Variants in USP34 observed in about 807,000 individuals in gnomAD.
USP34 encodes the protein ubiquitin carboxyl-terminal hydrolase 34.
In USP34, 70 loss-of-function variants were observed where a neutral mutation model predicts 460.3. That is an observed-to-expected ratio of 0.15 (90% CI 0.13 to 0.19). The LOEUF is 0.19. Among genes scored for constraint, USP34 ranks in the 10% least tolerant of loss-of-function variants. The pLI is 1.00. For synonymous variants in USP34, 1,647 were observed against 1,405.3 expected (o/e 1.17, Z -3.85); for missense variants, 3,985 against 4,236.2 (o/e 0.94, Z 1.65).
intron 10 of USP34, among the ~76,000 whole-genome samples, chr2:61,352,766 T>TG (rs1691979803): frequency 1.3e-5 from 2 of 151,008 alleles, no homozygotes; most frequent in South Asian, 4.2e-4. Flanking sequence ...TGCGTGGTGG[T>TG]GGCAGCAGCA....
intron 20 of USP34, among the ~76,000 whole-genome samples, chr2:61,329,025 TTTG>T (rs1558532594): frequency 6.6e-6 from 1 of 152,088 alleles, no homozygotes; most frequent in Non-Finnish European, 1.5e-5. Context: ...ATGATTTTTG[TTTG>T]TTTTGTTTTT....
intron 50 of USP34, among the ~76,000 whole-genome samples, chr2:61,245,980 G>A (rs976332797): frequency 6.6e-6 from 1 of 152,130 alleles, no homozygotes; most frequent in African/African-American, 2.4e-5. Flanking sequence ...GAGCATGCAG[G>A]TAACTTCTAA....
Position 61,343,864 on chromosome 2 carries a change from T to C in USP34, c.2451A>G (p.Gln817=). ...TGGAAGCTAAATTGGGAAGATGTTGTTGGAGGTGAGATGTCAGTTCCGCAT... is the reference window on the plus strand; with the variant it reads ...TGGAAGCTAAATTGGGAAGATGTTGCTGGAGGTGAGATGTCAGTTCCGCAT... ...NSHAELTSHL[Q]QHLPNLASIY... is the part of the protein sequence containing the mutation. The change falls in exon 16 of 80, where the codon CAA becomes CAG. Residue 817 remains glutamine (Q), a synonymous_variant. Coordinates refer to ENST00000398571, the MANE Select transcript of USP34 (RefSeq NM_014709.4). The C allele has an allele frequency of 6.2e-7, 1 of 1,614,002 alleles. No individual in the cohort carries two copies. Among genetic ancestry groups the C allele is most frequent in the South Asian group, 1.1e-5 (1 of 91,076 alleles).
chr2:61,409,383 T>G (rs369267625), intron 2 of USP34, among the ~76,000 whole-genome samples: 5 of 152,100 alleles, frequency 3.3e-5, no homozygotes, highest in African/African-American at 1.2e-4. Flanking sequence ...CAGATTTGGA[T>G]GAAGAAAGCC....
At chr2:61,351,173 A>G (rs1398060066) in intron 10 of USP34, among the ~76,000 whole-genome samples, 2 of 152,240 alleles carry the variant, frequency 1.3e-5, no homozygotes. Context: ...TTTACATGTC[A>G]TAATACAAAA....
intron 49 of USP34, among the ~76,000 whole-genome samples, 195 bp downstream of exon 49, chr2:61,248,316 G>A (rs1688479022): frequency 6.6e-6 from 1 of 152,018 alleles, no homozygotes; most frequent in African/African-American, 2.4e-5. Context: ...ACAGAAGAGT[G>A]CCTAGGAACA....
At chr2:61,300,527 G>A (rs1051832149) in intron 29 of USP34, among the ~76,000 whole-genome samples, 11 of 150,814 alleles carry the variant, frequency 7.3e-5, no homozygotes, top group Non-Finnish European at 1.6e-4. Context: ...GCCAGGCACG[G>A]TGGCTCATGC....
At chr2:61,201,169 G>C (rs1686964322) in intron 75 of USP34, among the ~76,000 whole-genome samples, 1 of 150,414 alleles carries the variant, frequency 6.6e-6, no homozygotes, top group Admixed American at 6.6e-5. Flanking sequence ...TGACTACTAT[G>C]CATGGTGGTA....
rs1196245930 is a variant in USP34, at chr2:61,266,122, G to C, written c.5479C>G (p.Leu1827Val). 1 of 1,613,254 alleles carries C rather than the reference G, an allele frequency of 6.2e-7. No individual in the cohort carries two copies. The highest frequency in any genetic ancestry group is 8.5e-7 in the Non-Finnish European group (1 of 1,179,506). Residue 1827 changes from leucine to valine, a missense_variant, in exon 42 of 80, where the codon CTA becomes GTA. Leu to Val is a conservative substitution (Grantham distance 32). Transcript: ENST00000398571. Reference sequence around the variant, plus strand: ...CACTTTGGCTGTTGTCGGTCCTTTAGACTTGGCAACAAAAACAGGAGATTG... The same window carrying C: ...CACTTTGGCTGTTGTCGGTCCTTTACACTTGGCAACAAAAACAGGAGATTG... ...IFNLLFLLPS[L>V]KDRQQPKCKS...
chr2:61,220,257 A>C, intron 67 of USP34, 53 bp downstream of exon 67: 1 of 1,517,154 alleles, frequency 6.6e-7, no homozygotes, highest in Non-Finnish European at 8.9e-7. Context: ...AAAATGAAAC[A>C]TAACTTTGAA....
chr2:61,403,626 CAG>C (rs985316938), intron 3 of USP34, among the ~76,000 whole-genome samples: 1 of 151,940 alleles, frequency 6.6e-6, no homozygotes, highest in African/African-American at 2.4e-5. Flanking sequence ...TTTTAGAAAA[CAG>C]AGCACAATCT....
chr2:61,206,939 C>A (rs1572835240), intron 70 of USP34, 53 bp from the exon 71 acceptor site: 8 of 1,579,588 alleles, frequency 5.1e-6, no homozygotes, highest in Non-Finnish European at 6.9e-6. Flanking sequence ...GCTTACTGAG[C>A]CACAAAATGG....
intron 33 of USP34, among the ~76,000 whole-genome samples, chr2:61,292,605 C>T (rs1430416969): frequency 2.0e-5 from 3 of 152,064 alleles, no homozygotes; most frequent in Admixed American, 6.6e-5. Flanking sequence ...CATAAGATTA[C>T]TTGATGTCAA....
At chr2:61,287,023 T>G (rs1233952783) in intron 34 of USP34, among the ~76,000 whole-genome samples, 1 of 152,312 alleles carries the variant, frequency 6.6e-6, no homozygotes, top group Middle Eastern at 3.4e-3. Context: ...ATTATAGTAA[T>G]GTAAGGTTAC....
At chr2:61,336,439 T>C (rs1691418542) in intron 18 of USP34, among the ~76,000 whole-genome samples, 1 of 151,980 alleles carries the variant, frequency 6.6e-6, no homozygotes, top group African/African-American at 2.4e-5. Flanking sequence ...TTTGGATCTT[T>C]TTAATTTTCC....
In USP34 at chr2:61,343,856, A is replaced by T. The variant is rs1691679746; in HGVS notation, c.2459T>A (p.Leu820His). The change falls in exon 16 of 80, where the codon CTT becomes CAT. Residue 820 changes from leucine (L) to histidine (H), a missense_variant. Physicochemically the swap from Leu to His is moderately conservative, Grantham distance 99 (BLOSUM62 -3). Coordinates refer to ENST00000398571, the MANE Select transcript of USP34 (RefSeq NM_014709.4). ...ATGGTAAATGGAAGCTAAATTGGGA[A>T]GATGTTGTTGGAGGTGAGATGTCAG... ...AELTSHLQQH[L>H]PNLASIYHEH... 2.5e-5 allele frequency: 40 copies of T among 1,614,006 alleles called. No homozygotes were observed. Among genetic ancestry groups the T allele is most frequent in the Non-Finnish European group, 3.4e-5 (40 of 1,179,910 alleles).
Position 61,357,338 on chromosome 2 carries a change from G to T in USP34, c.1252-6645C>A, listed in dbSNP as rs1041348673. 5.3e-5 allele frequency among the ~76,000 whole-genome samples: 8 copies of T among 151,992 alleles called. No individual in the cohort carries two copies. In the East Asian group the frequency reaches 1.5e-3, roughly 29 times the overall value. ...AATTAACACATTCAAACAGTCAAAG[G>T]ATCAAAAATGAAATCACAAGGGAAA... On this transcript the variant is annotated intron_variant, in intron 10 of 79. Transcript: ENST00000398571.
chr2:61,369,158 A>C (rs1692528785), intron 10 of USP34, among the ~76,000 whole-genome samples: 1 of 152,214 alleles, frequency 6.6e-6, no homozygotes, highest in African/African-American at 2.4e-5. Context: ...ATGTAATTTA[A>C]TGTGCTGACA....
chr2:61,364,785 C>T (rs1232065655), intron 10 of USP34, among the ~76,000 whole-genome samples: 4 of 151,704 alleles, frequency 2.6e-5, no homozygotes, highest in Non-Finnish European at 5.9e-5. Context: ...AAAAATTAGA[C>T]AATGTGGTGG....
Sources: gnomAD v4.1 joint callset for allele counts (sites outside exome capture counted in the v4.1 genomes callset) on GRCh38, gnomAD v4.1.1 for gene constraint, MANE v1.5 for transcripts, NCBI Gene and HGNC (gene_info 2026-07-23, HGNC 2026-07-21) for gene names.